The following B4GALNT3 variants were observed in gnomAD, a reference collection of about 807,000 sequenced individuals.
B4GALNT3 encodes beta-1,4-N-acetyl-galactosaminyltransferase 3.
B4GALNT3 carries 86 observed loss-of-function variants against 120.2 expected under a neutral mutation model. The ratio of observed to expected loss-of-function variants is 0.72; its 90% CI spans 0.60 to 0.86. The LOEUF (loss-of-function observed/expected upper bound fraction) is 0.86. Among genes scored for constraint, B4GALNT3 ranks in the 40% least tolerant of loss-of-function variants. B4GALNT3 has a pLI of 0.00. For synonymous variants in B4GALNT3, 518 were observed against 510.4 expected (o/e 1.01, Z -0.20); for missense variants, 1,167 against 1,298.9 (o/e 0.90, Z 1.56).
chr12:470,968 A>G (rs1211884830), intron 1 of B4GALNT3, among the ~76,000 whole-genome samples: 2 of 151,868 alleles, frequency 1.3e-5, no homozygotes, highest in African/African-American at 4.8e-5. Context: ...ACCTCAGGTG[A>G]TGCGCCCGCC....
In B4GALNT3 at chr12:540,970, C is replaced by T. The variant is rs187275552; in HGVS notation, c.352-3369C>T. Among the ~76,000 whole-genome samples the T allele has an allele frequency of 6.2e-3, 948 of 152,322 alleles. 15 individuals are homozygous for T. The highest frequency in any genetic ancestry group is 0.021 in the African/African-American group (885 of 41,576). ...ATGTTAGCCAGGATGGTCTCGATCT[C>T]CTGACCTCGTGATCCGCCCGCCTCA... On this transcript the variant is annotated intron_variant, in intron 3 of 19. Coordinates refer to ENST00000266383, the MANE Select transcript of B4GALNT3 (RefSeq NM_173593.4).
intron 18 of B4GALNT3, among the ~76,000 whole-genome samples, chr12:558,980 C>T (rs1312102685): frequency 6.6e-6 from 1 of 151,938 alleles, no homozygotes; most frequent in East Asian, 1.9e-4. Context: ...GGTAGCCTCC[C>T]TGCCTGTGGA....
chr12:500,865 C>CTTTTTTTTTTTTTTTTTT lies in B4GALNT3; in HGVS notation c.170-34298_170-34281dup, dbSNP rs55927726. On this transcript the variant is annotated intron_variant, in intron 1 of 19. Transcript: ENST00000266383. ...CTGAATTTGAATCCTGGCTCCACTGCTTTTTTTTTTTTTTTTTTTTGACAC... is the reference window on the plus strand; with the variant it reads ...CTGAATTTGAATCCTGGCTCCACTGCTTTTTTTTTTTTTTTTTTTTTTTTTTTTTTTTTTTTTTGACAC... 4.0e-3 allele frequency among the ~76,000 whole-genome samples: 248 copies of CTTTTTTTTTTTTTTTTTT among 61,808 alleles called. 70 individuals are homozygous for CTTTTTTTTTTTTTTTTTT. Among genetic ancestry groups the CTTTTTTTTTTTTTTTTTT allele is most frequent in the African/African-American group, 0.018 (235 of 13,338 alleles). 40.5% of individuals were successfully genotyped at this position (61,808 alleles called of 152,430 possible). A position where few individuals can be genotyped will look rare whatever the true frequency, so the allele number is the denominator to read the frequency against.
chr12:518,097 T>G (rs1946673919), intron 1 of B4GALNT3, among the ~76,000 whole-genome samples: 1 of 152,254 alleles, frequency 6.6e-6, no homozygotes, highest in South Asian at 2.1e-4. Flanking sequence ...TTCATTTACC[T>G]AATTCATCTT....
chr12:491,825 G>A (rs915813931), intron 1 of B4GALNT3, among the ~76,000 whole-genome samples: 7 of 152,016 alleles, frequency 4.6e-5, no homozygotes, highest in East Asian at 1.9e-4. Flanking sequence ...GGAGGCCGAG[G>A]TGGGCAGATC....
At position 558,643 on chromosome 12, in the gene B4GALNT3, AC is replaced by A; in HGVS notation, c.2749del (p.Gln917SerfsTer9). 6.2e-7 allele frequency: 1 copy of A among 1,613,866 alleles called. No individual in the cohort carries two copies. Among genetic ancestry groups the A allele is most frequent in the Non-Finnish European group, 8.5e-7 (1 of 1,179,942 alleles). On this transcript the variant is annotated frameshift_variant, in exon 18 of 20. Transcript: ENST00000266383. LOFTEE classifies it high-confidence loss of function. ...PMVMRLHCGA[T>X]PQWPEGYWEV... ...GGTGATGAGGCTGCATTGTGGGGCC[AC>A]CCCCCAGTGGCCTGAGGGTGAGCCC...
At chr12:525,117 T>TATTTATTTATTTATTG (rs1332147039) in intron 1 of B4GALNT3, among the ~76,000 whole-genome samples, 3 of 152,176 alleles carry the variant, frequency 2.0e-5, no homozygotes, top group Admixed American at 6.5e-5. Context: ...TTTATTTATT[T>TATTTATTTATTTATTG]ATTGTTGTTG....
At chr12:474,557 T>C (rs10744647) in intron 1 of B4GALNT3, among the ~76,000 whole-genome samples, 137,722 of 152,210 alleles carry the variant, frequency 0.9, 62,892 homozygotes, top group South Asian at 0.99. Flanking sequence ...CGGTGGCTCA[T>C]GCCTGCAATC....
intron 18 of B4GALNT3, 148 bp downstream of exon 18, chr12:558,809 C>A: frequency 1.2e-6 from 1 of 866,130 alleles, no homozygotes; most frequent in Non-Finnish European, 1.7e-6. Flanking sequence ...CCCCGGAAAA[C>A]TCACCAGACA....
intron 18 of B4GALNT3, among the ~76,000 whole-genome samples, chr12:559,084 C>T (rs567951993): frequency 2.0e-5 from 3 of 152,194 alleles, no homozygotes; most frequent in Non-Finnish European, 4.4e-5. Context: ...CCCATGGGCA[C>T]AGCCTGGTAG....
At chr12:514,199 T>G (rs1233937259) in intron 1 of B4GALNT3, among the ~76,000 whole-genome samples, 1 of 16,282 alleles carries the variant, frequency 6.1e-5, no homozygotes, top group Non-Finnish European at 1.1e-4. Context: ...TCCGTTTTTG[T>G]TTTTTTTTTT....
At chr12:520,873 C>A (rs1469449692) in intron 1 of B4GALNT3, among the ~76,000 whole-genome samples, 2 of 152,184 alleles carry the variant, frequency 1.3e-5, no homozygotes, top group African/African-American at 4.8e-5. Context: ...GAAATACTTG[C>A]ACATTGTCTG....
chr12:511,604 C>CCTT (rs1170323943), intron 1 of B4GALNT3, among the ~76,000 whole-genome samples: 2 of 132,772 alleles, frequency 1.5e-5, no homozygotes, highest in African/African-American at 5.2e-5. Flanking sequence ...CCGCCTTCCA[C>CCTT]CTTCGACCTT....
intron 1 of B4GALNT3, among the ~76,000 whole-genome samples, chr12:470,643 C>T (rs149145645): frequency 2.4e-4 from 37 of 152,306 alleles, no homozygotes; most frequent in African/African-American, 8.7e-4. Context: ...TAGCAGAAGG[C>T]AGGGGACGTT....
intron 1 of B4GALNT3, among the ~76,000 whole-genome samples, chr12:468,867 A>G (rs1408422972): frequency 1.3e-5 from 2 of 152,200 alleles, no homozygotes; most frequent in African/African-American, 4.8e-5. Context: ...CACAGCTCAC[A>G]TTCTGCTTTG....
At chr12:534,390 C>T (rs1285243205) in intron 1 of B4GALNT3, among the ~76,000 whole-genome samples, 2 of 152,140 alleles carry the variant, frequency 1.3e-5, no homozygotes, top group African/African-American at 2.4e-5. Context: ...GGCCGGCCGC[C>T]GGACTGATTC....
intron 18 of B4GALNT3, 100 bp downstream of exon 18, chr12:558,761 C>G: frequency 7.8e-7 from 1 of 1,277,960 alleles, no homozygotes; most frequent in Non-Finnish European, 1.1e-6. Context: ...TCAGCATCCT[C>G]CTCCCCTGCC....
Position 552,498 on chromosome 12 carries a change from C to G in B4GALNT3, c.1240C>G (p.Gln414Glu). The G allele has an allele frequency of 6.2e-7, 1 of 1,613,914 alleles. No homozygotes were observed. The highest frequency in any genetic ancestry group is 8.5e-7 in the Non-Finnish European group (1 of 1,179,998). ...CTTTCAGGAGTACATCAAGATTGAC[C>G]AGCCTGAGAAGCAGGGGCTGGAGCA... ...FSFQEYIKID[Q>E]PEKQGLEQPG... Residue 414 changes from glutamine to glutamate, a missense_variant, in exon 13 of 20, where the codon CAG becomes GAG. Gln to Glu is a conservative substitution (Grantham distance 29). Around this residue, in one of 3 missense-constraint regions of B4GALNT3, gnomAD observed 983 missense variants for 1,102.5 expected, o/e 0.89. Coordinates refer to ENST00000266383, the MANE Select transcript of B4GALNT3 (RefSeq NM_173593.4).
At chr12:461,550 G>A (rs1249501245) in intron 1 of B4GALNT3, among the ~76,000 whole-genome samples, 1 of 152,204 alleles carries the variant, frequency 6.6e-6, no homozygotes, top group Non-Finnish European at 1.5e-5. Flanking sequence ...CAAGCCCGGG[G>A]AGCCGAGGTT....
Sources: gnomAD v4.1 joint callset for allele counts (sites outside exome capture counted in the v4.1 genomes callset) on GRCh38, gnomAD v4.1.1 for gene constraint, gnomAD v4.1.1 regional missense constraint, MANE v1.5 for transcripts, NCBI Gene and HGNC (gene_info 2026-07-23, HGNC 2026-07-21) for gene names.